TLK1: variants seen among roughly 807,000 people sequenced by gnomAD.
The protein encoded by TLK1 is tousled like kinase 1.
In TLK1, 24 loss-of-function variants were observed where a neutral mutation model predicts 105.3. The observed-to-expected ratio is 0.23, with a 90% CI of 0.17 to 0.32. TLK1 has a LOEUF of 0.32. Ranked by LOEUF, TLK1 falls within the 10% of genes least tolerant of loss-of-function variation. The pLI, the probability that TLK1 is intolerant of heterozygous loss-of-function variation, is 1.00. For missense variants in TLK1, 558 were observed against 910.5 expected, an observed-to-expected ratio of 0.61 and a Z score of 4.98; for synonymous variants, 321 against 310.4, an observed-to-expected ratio of 1.03 and a Z score of -0.36.
At chr2:171,194,928 T>C (rs929305444) in intron 1 of TLK1, among the ~76,000 whole-genome samples, 1 of 152,206 alleles carries the variant, frequency 6.6e-6, no homozygotes, top group Non-Finnish European at 1.5e-5. Context: ...CACAAGGTTC[T>C]TGGCAATCAC....
chr2:171,220,487 C>T (rs55764560), intron 1 of TLK1, among the ~76,000 whole-genome samples: 12 of 152,192 alleles, frequency 7.9e-5, no homozygotes, highest in Non-Finnish European at 1.5e-4. Context: ...GTAGCTTGCT[C>T]TGAGAGTAAG....
chr2:171,066,741 G>T, intron 3 of TLK1: 1 of 1,214,994 alleles, frequency 8.2e-7, no homozygotes, highest in Non-Finnish European at 1.1e-6. Flanking sequence ...CTATTTCCTG[G>T]CACTTTCCCT....
At chr2:171,115,258 G>A (rs1690368885) in intron 2 of TLK1, among the ~76,000 whole-genome samples, 1 of 144,496 alleles carries the variant, frequency 6.9e-6, no homozygotes, top group Non-Finnish European at 1.5e-5. Flanking sequence ...CGCAACCTCC[G>A]TCTCCCAGGT....
At chr2:171,147,864 T>C (rs1388402071) in intron 1 of TLK1, among the ~76,000 whole-genome samples, 1 of 152,026 alleles carries the variant, frequency 6.6e-6, no homozygotes, top group African/African-American at 2.4e-5. Flanking sequence ...GGATTAGCAG[T>C]GTTTATACTT....
intron 1 of TLK1, among the ~76,000 whole-genome samples, chr2:171,167,814 C>G (rs1692636955): frequency 6.6e-6 from 1 of 152,062 alleles, no homozygotes; most frequent in Non-Finnish European, 1.5e-5. Context: ...CCAAAGTGCA[C>G]TAGAAGCTAT....
At chr2:171,048,993 A>G (rs1408461418) in intron 10 of TLK1, among the ~76,000 whole-genome samples, 2 of 152,238 alleles carry the variant, frequency 1.3e-5, no homozygotes, top group African/African-American at 4.8e-5. Context: ...TGGTAACTAT[A>G]ATTCCTCTGT....
At chr2:171,193,258 G>A (rs1339938590) in intron 1 of TLK1, among the ~76,000 whole-genome samples, 1 of 152,100 alleles carries the variant, frequency 6.6e-6, no homozygotes, top group Non-Finnish European at 1.5e-5. Context: ...GAGAATGAAA[G>A]TCTACTCTAG....
chr2:171,034,272 A>T (rs892476764), intron 11 of TLK1, among the ~76,000 whole-genome samples: 5 of 152,204 alleles, frequency 3.3e-5, no homozygotes, highest in Admixed American at 3.3e-4. Context: ...AAACAAAACA[A>T]GCTCACACAG....
chr2:171,006,083 T>C lies in TLK1; in HGVS notation c.1904+64A>G, dbSNP rs1047153727. 2.1e-6 allele frequency: 3 copies of C among 1,404,070 alleles called. No individual in the cohort carries two copies. In the African/African-American group the frequency reaches 4.4e-5, roughly 21 times the overall value. 87.0% of individuals were successfully genotyped at this position (1,404,070 alleles called of 1,614,324 possible). A position where few individuals can be genotyped will look rare whatever the true frequency, so the allele number is the denominator to read the frequency against. ...TACATGGAAATAAAAAAAAAAACAC[T>C]AAATTATTATAAAAGCACTGGGCAC... On this transcript the variant is annotated intron_variant, in intron 18 of 20. Transcript: ENST00000431350.
intron 18 of TLK1, among the ~76,000 whole-genome samples, chr2:171,002,657 T>C (rs1267493038): frequency 2.6e-5 from 4 of 151,958 alleles, no homozygotes; most frequent in African/African-American, 9.7e-5. Context: ...TTTTGAGACA[T>C]GTTCTCACTC....
At chr2:171,053,128 G>C (rs1215452658) in intron 8 of TLK1, among the ~76,000 whole-genome samples, 1 of 152,116 alleles carries the variant, frequency 6.6e-6, no homozygotes, top group African/African-American at 2.4e-5. Context: ...AACTGCAGCA[G>C]TTACTTCATC....
chr2:171,227,568 CTTTTTTTTTTTT>C (rs71401413), intron 1 of TLK1, among the ~76,000 whole-genome samples: 5 of 55,518 alleles, frequency 9.0e-5, no homozygotes, highest in South Asian at 8.4e-4. Flanking sequence ...AGTAAATCTC[CTTTTTTTTTTTT>C]TTTTTTTTTT....
chr2:171,150,831 C>G (rs1692000368), intron 1 of TLK1, among the ~76,000 whole-genome samples: 1 of 152,180 alleles, frequency 6.6e-6, no homozygotes, highest in African/African-American at 2.4e-5. Context: ...TTTAACTTAA[C>G]AAAGTCGTGT....
intron 1 of TLK1, among the ~76,000 whole-genome samples, chr2:171,135,590 C>A (rs970248946): frequency 6.6e-6 from 1 of 151,924 alleles, no homozygotes; most frequent in African/African-American, 2.4e-5. Context: ...CACCTGAGGT[C>A]AGGAGTTCGA....
At position 171,026,217 on chromosome 2, in the gene TLK1, A is replaced by G. The variant is rs529494357; in HGVS notation, c.1236+2122T>C. Among the ~76,000 whole-genome samples, 444 of 152,284 alleles carry G rather than the reference A, an allele frequency of 2.9e-3. 2 individuals carry two copies. Among genetic ancestry groups the G allele is most frequent in the Middle Eastern group, 6.8e-3 (2 of 294 alleles). On this transcript the variant is annotated intron_variant, in intron 12 of 20. Transcript: ENST00000431350. ...AGTAAATACGAAAAATATAGAAGTC[A>G]AACACTGGGAAAGAGGAAAATACGA...
chr2:171,181,019 C>T (rs1230422661), intron 1 of TLK1, among the ~76,000 whole-genome samples: 2 of 152,032 alleles, frequency 1.3e-5, no homozygotes, highest in African/African-American at 2.4e-5. Flanking sequence ...AAGCTTTGAG[C>T]ACAAGAAAGT....
intron 1 of TLK1, among the ~76,000 whole-genome samples, chr2:171,146,841 C>T (rs1231288292): frequency 1.3e-5 from 2 of 152,230 alleles, no homozygotes; most frequent in Non-Finnish European, 2.9e-5. Flanking sequence ...GAAACAGTTG[C>T]TCAATGATCC....
chr2:171,160,958 C>A, upstream of TLK1: 1 of 196,014 alleles, frequency 5.1e-6, no homozygotes, highest in Non-Finnish European at 9.6e-6. This position sits in a 1 kb window ranked among gnomAD's most constrained non-coding sequence, Gnocchi z 4.4. Flanking sequence ...GGCTCCTGCG[C>A]CTCCGGTAGC....
At chr2:170,998,712 C>G (rs933421332) in intron 18 of TLK1, among the ~76,000 whole-genome samples, 9 of 152,336 alleles carry the variant, frequency 5.9e-5, no homozygotes, top group Admixed American at 2.6e-4. Context: ...CTAGCAGTGT[C>G]TGAAACACAA....
Sources: gnomAD v4.1 joint callset for allele counts (sites outside exome capture counted in the v4.1 genomes callset) on GRCh38, gnomAD v4.1.1 for gene constraint, Gnocchi (gnomAD v3.1) non-coding constraint, MANE v1.5 for transcripts, NCBI Gene and HGNC (gene_info 2026-07-23, HGNC 2026-07-21) for gene names.